PCDHGA7: variants seen among roughly 807,000 people sequenced by gnomAD.
The protein encoded by PCDHGA7 is protocadherin gamma subfamily A, 7.
In PCDHGA7, 44 loss-of-function variants were observed where a neutral mutation model predicts 58.3. That is an observed-to-expected ratio of 0.75 (90% CI 0.59 to 0.97). The LOEUF (loss-of-function observed/expected upper bound fraction) is 0.97, where lower values mean the gene tolerates loss of function less well. PCDHGA7 is among the 50% of genes least tolerant of loss of function. The pLI is 0.00. For synonymous variants in PCDHGA7, 516 were observed against 504.2 expected (o/e 1.02, Z -0.31); for missense variants, 1,266 against 1,188.7 (o/e 1.06, Z -0.96).
intron 1 of PCDHGA7, chr5:141,405,323 T>C (rs1420760439): frequency 6.2e-7 from 1 of 1,614,220 alleles, no homozygotes; most frequent in Non-Finnish European, 8.5e-7. Context: ...AAATGAGCCT[T>C]TGTGCGTCTC....
At chr5:141,398,014 C>G in intron 1 of PCDHGA7, 1 of 1,420,276 alleles carries the variant, frequency 7.0e-7, no homozygotes, top group Non-Finnish European at 9.4e-7. Flanking sequence ...AGAATCGTTT[C>G]CTAAACTGGA....
At chr5:141,410,699 A>T (rs760193148) in intron 1 of PCDHGA7, 1 of 1,478,344 alleles carries the variant, frequency 6.8e-7, no homozygotes, top group East Asian at 2.3e-5. Flanking sequence ...CTTTATTTTC[A>T]TATCTAGAAT....
intron 1 of PCDHGA7, chr5:141,393,480 T>G (rs1026854698): frequency 5.0e-6 from 8 of 1,613,942 alleles, no homozygotes; most frequent in Non-Finnish European, 6.8e-6. Context: ...GCCGCCTCGC[T>G]CTAGCACAGT....
At chr5:141,402,999 T>TATG in intron 1 of PCDHGA7, 1 of 1,613,984 alleles carries the variant, frequency 6.2e-7, no homozygotes, top group Non-Finnish European at 8.5e-7. Context: ...TTAGTCCTGC[T>TATG]ATGCTCGCTC....
At chr5:141,502,494 A>G (rs928571740) in intron 2 of PCDHGA7, among the ~76,000 whole-genome samples, 2 of 152,180 alleles carry the variant, frequency 1.3e-5, no homozygotes, top group South Asian at 2.1e-4. Context: ...GGACTCATCT[A>G]ACGTCGGCCT....
Position 141,384,980 on chromosome 5 carries a change from T to A in PCDHGA7, c.2081T>A (p.Val694Glu), listed in dbSNP as rs772144829. The A allele has an allele frequency of 1.1e-5, 18 of 1,614,040 alleles. No individual in the cohort carries two copies. In the South Asian group the frequency reaches 1.6e-4, roughly 15 times the overall value. Residue 694 changes from valine to glutamate, a missense_variant, in exon 1 of 4, where the codon GTG becomes GAG. Val to Glu is a moderately radical substitution (Grantham distance 121). Coordinates refer to ENST00000518325, the MANE Select transcript of PCDHGA7 (RefSeq NM_018920.4). Reference protein sequence around the residue: ...PYNYDLTLYLVVAVATVSCVF... With the variant: ...PYNYDLTLYLEVAVATVSCVF... Reference sequence around the variant, plus strand: ...AACTATGACCTCACGTTGTACCTGGTGGTGGCGGTGGCCACAGTCTCCTGC... The same window carrying A: ...AACTATGACCTCACGTTGTACCTGGAGGTGGCGGTGGCCACAGTCTCCTGC...
In PCDHGA7 at chr5:141,384,950, C is replaced by G; in HGVS notation, c.2051C>G (p.Pro684Arg). 6.2e-7 allele frequency: 1 copy of G among 1,614,122 alleles called. No individual in the cohort carries two copies. Among genetic ancestry groups the G allele is most frequent in the East Asian group, 2.2e-5 (1 of 44,882 alleles). The change falls in exon 1 of 4, where the codon CCT becomes CGT. Residue 684 changes from proline to arginine, a missense_variant. By Grantham distance (103) the Pro-to-Arg change is moderately radical. Transcript: ENST00000518325. ...GGCAGCCTTGAGCCCTCCGACGGTCCTTACAACTATGACCTCACGTTGTAC... is the reference window on the plus strand; with the variant it reads ...GGCAGCCTTGAGCCCTCCGACGGTCGTTACAACTATGACCTCACGTTGTAC... ...DLGSLEPSDG[P>R]YNYDLTLYLV...
chr5:141,478,199 C>G, intron 1 of PCDHGA7: 1 of 1,614,056 alleles, frequency 6.2e-7, no homozygotes, highest in Non-Finnish European at 8.5e-7. Flanking sequence ...CTTTTATCTA[C>G]TTCTTTCTCT....
intron 1 of PCDHGA7, among the ~76,000 whole-genome samples, chr5:141,462,009 G>C (rs2099028674): frequency 6.6e-6 from 1 of 152,190 alleles, no homozygotes; most frequent in Non-Finnish European, 1.5e-5. Flanking sequence ...TTTTAATAGA[G>C]ACGGGGTTTC....
At position 141,488,726 on chromosome 5, in the gene PCDHGA7, G is replaced by A. The variant is rs1562126303; in HGVS notation, c.2425-6081G>A. 2.0e-5 allele frequency among the ~76,000 whole-genome samples: 3 copies of A among 152,194 alleles called. No homozygotes were observed. The South Asian group carries it at 6.2e-4, about 32-fold the overall frequency. ...TGCTGGTTCAAGCAAAGTGGTGGAA[G>A]CTTCTGAAGTCATGCAGGAAGTTGC... On this transcript the variant is annotated intron_variant, in intron 1 of 3. Transcript: ENST00000518325.
At chr5:141,430,817 C>T (rs200369093) in intron 1 of PCDHGA7, 2 of 1,539,796 alleles carry the variant, frequency 1.3e-6, no homozygotes, top group Non-Finnish European at 1.7e-6. Flanking sequence ...GGGAATCCTC[C>T]TGGGGACTCT....
In PCDHGA7 at chr5:141,489,594, TGTAGAG is replaced by T. The variant is rs1298302866; in HGVS notation, c.2425-5206_2425-5201del. 1 of 1,613,958 alleles carries T rather than the reference TGTAGAG, an allele frequency of 6.2e-7. No homozygotes were observed. The highest frequency in any genetic ancestry group is 1.3e-5 in the African/African-American group (1 of 74,906). ...CTGAACACCCCCTGGAGCTAATCCG[TGTAGAG>T]GTAGAGATCCTGGATCTCAATGACA... On this transcript the variant is annotated intron_variant, in intron 1 of 3. Coordinates refer to ENST00000518325, the MANE Select transcript of PCDHGA7 (RefSeq NM_018920.4). The surrounding 1 kb of genome is among the most constrained non-coding windows in gnomAD (Gnocchi z 4.5).
Position 141,489,252 on chromosome 5 carries a change from G to A in PCDHGA7, c.2425-5555G>A. 2 of 1,547,622 alleles carry A rather than the reference G, an allele frequency of 1.3e-6. No individual in the cohort carries two copies. Among genetic ancestry groups the A allele is most frequent in the Non-Finnish European group, 1.7e-6 (2 of 1,147,198 alleles). On this transcript the variant is annotated intron_variant, in intron 1 of 3. Coordinates refer to ENST00000518325, the MANE Select transcript of PCDHGA7 (RefSeq NM_018920.4). The surrounding 1 kb of genome is among the most constrained non-coding windows in gnomAD (Gnocchi z 4.5). ...GGGACTTCTGGGTCATGGGGCCCAAGACACTCCCACAGCTCGCTGGGAAAT... is the reference window on the plus strand; with the variant it reads ...GGGACTTCTGGGTCATGGGGCCCAAAACACTCCCACAGCTCGCTGGGAAAT...
chr5:141,396,790 C>G (rs2093435054), intron 1 of PCDHGA7, among the ~76,000 whole-genome samples: 2 of 152,128 alleles, frequency 1.3e-5, no homozygotes. Flanking sequence ...AGGACATTTC[C>G]TAAGGATTGT....
At position 141,486,061 on chromosome 5, in the gene PCDHGA7, C is replaced by T. The variant is rs1280895997; in HGVS notation, c.2425-8746C>T. 2 of 1,614,166 alleles carry T rather than the reference C, an allele frequency of 1.2e-6. No individual in the cohort carries two copies. Among genetic ancestry groups the T allele is most frequent in the South Asian group, 1.1e-5 (1 of 91,078 alleles). On this transcript the variant is annotated intron_variant, in intron 1 of 3. Coordinates refer to ENST00000518325, the MANE Select transcript of PCDHGA7 (RefSeq NM_018920.4). The surrounding 1 kb of genome is among the most constrained non-coding windows in gnomAD (Gnocchi z 5.0). ...GTGTAAGAAACCTCTTTAGCCTGCA[C>T]CCCACTACTGGAAAGCTTACTCTTT...
intron 1 of PCDHGA7, chr5:141,420,334 T>C: frequency 7.1e-7 from 1 of 1,402,910 alleles, no homozygotes; most frequent in Non-Finnish European, 9.5e-7. Flanking sequence ...TATATTCCAA[T>C]ATAGTGGTAT....
rs936750924 is a variant in PCDHGA7, at chr5:141,418,950, T to A, written c.2424+33627T>A. On this transcript the variant is annotated intron_variant, in intron 1 of 3. Transcript: ENST00000518325. ...ATTATGGAGGATTCCCCTCCAGGAG[T>A]GGTTGTTGCCCTCTTCAAAACACGG... 23 of 1,613,742 alleles carry A rather than the reference T, an allele frequency of 1.4e-5. No individual in the cohort carries two copies. Among genetic ancestry groups the A allele is most frequent in the Non-Finnish European group, 1.9e-5 (23 of 1,179,860 alleles).
intron 1 of PCDHGA7, chr5:141,414,361 T>G: frequency 6.2e-7 from 1 of 1,613,876 alleles, no homozygotes; most frequent in Non-Finnish European, 8.5e-7. Context: ...GTATCTACCA[T>G]TTAAATTAGA....
chr5:141,402,100 A>G (rs1589449876), intron 1 of PCDHGA7, among the ~76,000 whole-genome samples: 1 of 152,220 alleles, frequency 6.6e-6, no homozygotes, highest in South Asian at 2.1e-4. Flanking sequence ...AGTTTAAGCA[A>G]TTACAAAAAT....
Sources: gnomAD v4.1 joint callset for allele counts (sites outside exome capture counted in the v4.1 genomes callset) on GRCh38, gnomAD v4.1.1 for gene constraint, Gnocchi (gnomAD v3.1) non-coding constraint, MANE v1.5 for transcripts, NCBI Gene and HGNC (gene_info 2026-07-23, HGNC 2026-07-21) for gene names.